DNAH7: variants seen among roughly 807,000 people sequenced by gnomAD.
DNAH7 encodes dynein axonemal heavy chain 7, also known as axonemal beta dynein heavy chain 7.
A neutral mutation model predicts 444.6 loss-of-function variants in DNAH7; 397 were observed. That is an observed-to-expected ratio of 0.89 (90% CI 0.82 to 0.97). The LOEUF is 0.97. Ranked by LOEUF, DNAH7 falls within the 50% of genes least tolerant of loss-of-function variation. The pLI, the probability that DNAH7 is intolerant of heterozygous loss-of-function variation, is 0.00. For synonymous variants in DNAH7, 1,636 were observed against 1,624.4 expected, an observed-to-expected ratio of 1.01 and a Z score of -0.17; for missense variants, 4,902 against 4,800.8, an observed-to-expected ratio of 1.02 and a Z score of -0.62.
rs1405207672 is a variant in DNAH7, at chr2:195,816,525, G to T, written c.9761+103C>A. On this transcript the variant is annotated intron_variant, in intron 51 of 64. Coordinates refer to ENST00000312428, the MANE Select transcript of DNAH7 (RefSeq NM_018897.3). ...TAATCAAGTTCATTTTAGGTAAGTG[G>T]CTGTAATGCTTGTACCACTCTGAGA... The T allele has an allele frequency of 2.9e-5, 23 of 802,000 alleles. No homozygotes were observed. In the East Asian group the frequency reaches 5.7e-4, roughly 20 times the overall value. The allele number at this position is 802,000 out of a possible 1,614,324, so 49.7% of individuals were successfully genotyped here. A position where few individuals can be genotyped will look rare whatever the true frequency, so the allele number is the denominator to read the frequency against.
intron 1 of DNAH7, chr2:196,063,856 T>C (rs1007995210): frequency 6.6e-6 from 1 of 152,202 alleles, no homozygotes; most frequent in Non-Finnish European, 1.5e-5. Flanking sequence ...ATTATCTTGT[T>C]TCAATAAATT....
intron 12 of DNAH7, among the ~76,000 whole-genome samples, chr2:195,997,488 C>G (rs1262863151): frequency 1.3e-5 from 2 of 152,156 alleles, no homozygotes; most frequent in East Asian, 3.8e-4. Context: ...GCACTCCAGC[C>G]TGGGTGACAG....
At chr2:195,852,173 G>A (rs773105783) in intron 46 of DNAH7, among the ~76,000 whole-genome samples, 7 of 152,036 alleles carry the variant, frequency 4.6e-5, no homozygotes, top group African/African-American at 4.8e-5. Context: ...CAGGAGAATC[G>A]CGTGAACCCA....
chr2:196,028,220 A>G (rs1459455331), intron 5 of DNAH7, among the ~76,000 whole-genome samples, 173 bp from the exon 6 acceptor site: 1 of 152,168 alleles, frequency 6.6e-6, no homozygotes, highest in East Asian at 1.9e-4. Flanking sequence ...CTCTCCAAAT[A>G]CTTTATTCAT....
At chr2:195,882,819 T>G (rs941876584) in intron 35 of DNAH7, among the ~76,000 whole-genome samples, 1 of 152,142 alleles carries the variant, frequency 6.6e-6, no homozygotes, top group Non-Finnish European at 1.5e-5. Flanking sequence ...CAGGCCTCAC[T>G]GATGCACATG....
intron 27 of DNAH7, chr2:195,903,676 G>A (rs1686840369): frequency 6.6e-6 from 1 of 152,132 alleles, no homozygotes; most frequent in Non-Finnish European, 1.5e-5. Flanking sequence ...AGTTACTACA[G>A]TAAGTATGAT....
intron 19 of DNAH7, among the ~76,000 whole-genome samples, chr2:195,950,863 A>AAAAC (rs1690190709): frequency 6.8e-6 from 1 of 148,040 alleles, no homozygotes; most frequent in Non-Finnish European, 1.5e-5. Context: ...AAAAAAAAAA[A>AAAAC]AAAAAAAAAA....
At chr2:195,872,604 C>T in intron 39 of DNAH7, 135 bp from the exon 40 acceptor site, 2 of 482,908 alleles carry the variant, frequency 4.1e-6, no homozygotes, top group Non-Finnish European at 3.5e-6. Context: ...ATTACCATAT[C>T]TTATTATAAT....
chr2:195,862,442 T>C (rs1700076072), intron 41 of DNAH7, among the ~76,000 whole-genome samples: 1 of 152,180 alleles, frequency 6.6e-6, no homozygotes, highest in Non-Finnish European at 1.5e-5. Flanking sequence ...ATTCTCTACA[T>C]AGCTGCAAGA....
chr2:195,813,499 C>T (rs1380678318), intron 51 of DNAH7, among the ~76,000 whole-genome samples: 1 of 152,186 alleles, frequency 6.6e-6, no homozygotes, highest in Non-Finnish European at 1.5e-5. Flanking sequence ...GGGTAGGAGC[C>T]TAACTTCAGT....
chr2:195,852,301 G>C (rs10180602), intron 46 of DNAH7, among the ~76,000 whole-genome samples: 3,800 of 151,944 alleles, frequency 0.025, 64 homozygotes, highest in Non-Finnish European at 0.03. Context: ...CCACCACCAA[G>C]AGTCAACCCT....
chr2:195,973,636 T>C (rs1691995278), intron 15 of DNAH7, among the ~76,000 whole-genome samples: 1 of 152,008 alleles, frequency 6.6e-6, no homozygotes, highest in South Asian at 2.1e-4. Context: ...TTGTTTTTTG[T>C]TTGTTTTGTA....
intron 19 of DNAH7, among the ~76,000 whole-genome samples, chr2:195,956,900 C>T (rs1337800545): frequency 6.6e-6 from 1 of 152,050 alleles, no homozygotes; most frequent in Non-Finnish European, 1.5e-5. Flanking sequence ...CATGTGTGCA[C>T]CACAGTGAGT....
At chr2:196,048,224 A>G in intron 4 of DNAH7, 72 bp downstream of exon 4, 1 of 1,364,182 alleles carries the variant, frequency 7.3e-7, no homozygotes, top group East Asian at 2.3e-5. Flanking sequence ...CTATTACACT[A>G]TTAACTAAAT....
At chr2:195,915,137 A>C (rs1687595122) in intron 24 of DNAH7, among the ~76,000 whole-genome samples, 2 of 152,172 alleles carry the variant, frequency 1.3e-5, no homozygotes, top group African/African-American at 4.8e-5. Flanking sequence ...GACTACAATA[A>C]AGAATATCAG....
intron 45 of DNAH7, among the ~76,000 whole-genome samples, chr2:195,854,291 T>C (rs749999341): frequency 2.1e-4 from 32 of 152,216 alleles, no homozygotes; most frequent in Admixed American, 4.6e-4. Context: ...CTTATCTTGA[T>C]GTTCAAAAAT....
chr2:195,814,330 G>A (rs1574483197), intron 51 of DNAH7, among the ~76,000 whole-genome samples: 1 of 152,238 alleles, frequency 6.6e-6, no homozygotes, highest in Middle Eastern at 3.4e-3. Context: ...AAAAAGAAAA[G>A]GCCACATTTT....
chr2:195,776,867 G>A (rs1695090450), intron 59 of DNAH7, among the ~76,000 whole-genome samples: 1 of 152,104 alleles, frequency 6.6e-6, no homozygotes, highest in South Asian at 2.1e-4. Context: ...CATGGCAAAG[G>A]GGGTTTGGTC....
At chr2:195,957,184 G>T (rs1159725991) in intron 19 of DNAH7, 77 bp downstream of exon 19, 1 of 1,235,020 alleles carries the variant, frequency 8.1e-7, no homozygotes, top group Non-Finnish European at 1.1e-6. Flanking sequence ...AACAATAATG[G>T]CTTATATGGA....
Sources: gnomAD v4.1 joint callset for allele counts (sites outside exome capture counted in the v4.1 genomes callset) on GRCh38, gnomAD v4.1.1 for gene constraint, MANE v1.5 for transcripts, NCBI Gene and HGNC (gene_info 2026-07-23, HGNC 2026-07-21) for gene names.